Variants in SRFBP1 observed in about 807,000 individuals in gnomAD.
The protein encoded by SRFBP1 is serum response factor binding protein 1.
A neutral mutation model predicts 45.5 loss-of-function variants in SRFBP1; 47 were observed. The observed-to-expected ratio is 1.03, with a 90% confidence interval of 0.82 to 1.32. SRFBP1 has a LOEUF of 1.32. SRFBP1 is among the 40% of genes most tolerant of loss of function. SRFBP1 has a pLI of 0.00. For missense variants in SRFBP1, 621 were observed against 484.6 expected (o/e 1.28, Z -2.64); for synonymous variants, 203 against 166.3 (o/e 1.22, Z -1.70).
chr5:122,073,480 T>TAACCGC, intron 2 of SRFBP1, among the ~76,000 whole-genome samples: 1 of 152,314 alleles, frequency 6.6e-6, no homozygotes, highest in Non-Finnish European at 1.5e-5. Flanking sequence ...CTCCATTTGC[T>TAACCGC]AACCGCAACC....
intron 7 of SRFBP1, among the ~76,000 whole-genome samples, chr5:122,022,938 T>G (rs1439442502): frequency 1.3e-5 from 2 of 152,238 alleles, no homozygotes; most frequent in Admixed American, 1.3e-4. Flanking sequence ...GCAGAGAGGC[T>G]GTGTTCCACA....
intron 1 of SRFBP1, among the ~76,000 whole-genome samples, chr5:121,965,786 G>A (rs1261350518): frequency 6.6e-6 from 1 of 152,144 alleles, no homozygotes; most frequent in Non-Finnish European, 1.5e-5. Flanking sequence ...TGGGCAGTAT[G>A]GCTGTTTTCA....
downstream of SRFBP1, chr5:122,076,747 A>G: frequency 1.6e-6 from 1 of 640,848 alleles, no homozygotes; most frequent in Admixed American, 2.6e-5. Context: ...CCAGGTCAGC[A>G]TGCCCAGGAG....
chr5:122,023,375 G>A (rs1188671865), intron 7 of SRFBP1, among the ~76,000 whole-genome samples: 1 of 152,132 alleles, frequency 6.6e-6, no homozygotes, highest in African/African-American at 2.4e-5. Flanking sequence ...TGGTCATGGA[G>A]TATTTTCCAT....
chr5:122,018,401 C>T (rs571217389), intron 4 of SRFBP1, among the ~76,000 whole-genome samples: 1 of 152,106 alleles, frequency 6.6e-6, no homozygotes. Flanking sequence ...ATATATTTTA[C>T]ATTTGGAACC....
In SRFBP1 at chr5:121,994,616, A is replaced by G; in HGVS notation, c.216A>G (p.Ile72Met). The change falls in exon 4 of 8, where the codon ATA becomes ATG. Residue 72 changes from isoleucine (I) to methionine (M), a missense_variant. Physicochemically the swap from Ile to Met is conservative, Grantham distance 10. Coordinates refer to ENST00000339397, the MANE Select transcript of SRFBP1 (RefSeq NM_152546.3). ...IHAMKELKPD[I>M]VTKSALGDDI... ...TTTCACAGGAATTGAAACCTGACAT[A>G]GTAACTAAATCTGCTCTTGGTGATG... The G allele has an allele frequency of 6.3e-7, 1 of 1,597,294 alleles. No individual in the cohort carries two copies. The highest frequency in any genetic ancestry group is 1.1e-5 in the South Asian group (1 of 87,656).
At chr5:121,966,946 A>ATTTTT (rs34687337) in intron 1 of SRFBP1, among the ~76,000 whole-genome samples, 10 of 114,674 alleles carry the variant, frequency 8.7e-5, no homozygotes, top group Non-Finnish European at 1.4e-4. Context: ...CGCCCAGCTA[A>ATTTTT]TTTTTTTTTT....
In SRFBP1 at chr5:122,026,129, A is replaced by G. The variant is rs191654802; in HGVS notation, c.1106-813A>G. On this transcript the variant is annotated intron_variant, in intron 7 of 7. Transcript: ENST00000339397. ...TTTTGACAATGATTCCTAACTTGCA[A>G]TGGAGAAATTACATAGTCATAGGAC... Among the ~76,000 whole-genome samples the G allele has an allele frequency of 4.8e-3, 724 of 152,318 alleles. 5 individuals are homozygous for G. Among genetic ancestry groups the G allele is most frequent in the African/African-American group, 0.016 (684 of 41,572 alleles).
intron 5 of SRFBP1, among the ~76,000 whole-genome samples, chr5:122,019,703 T>C (rs1753263127): frequency 6.6e-6 from 1 of 151,382 alleles, no homozygotes; most frequent in African/African-American, 2.4e-5. Context: ...ATCTATAAAA[T>C]GAAATTTTTT....
chr5:121,994,728 C>T (rs1310581007), intron 4 of SRFBP1, 58 bp downstream of exon 4: 62 of 1,164,496 alleles, frequency 5.3e-5, no homozygotes, highest in Non-Finnish European at 7.0e-5. Context: ...ATATTGCTTA[C>T]TTTTTTCTTG....
At chr5:122,068,514 T>TA (rs1481680370) in intron 2 of SRFBP1, among the ~76,000 whole-genome samples, 12 of 152,146 alleles carry the variant, frequency 7.9e-5, no homozygotes, top group African/African-American at 2.9e-4. Flanking sequence ...TCACTTCCCC[T>TA]ACTCAAAATG....
chr5:121,963,839 T>C (rs2112807873), intron 1 of SRFBP1, among the ~76,000 whole-genome samples: 1 of 152,036 alleles, frequency 6.6e-6, no homozygotes, highest in East Asian at 1.9e-4. Flanking sequence ...ATGGAGGATA[T>C]TATAATTTAA....
chr5:121,994,823 T>A (rs952786917), intron 4 of SRFBP1, among the ~76,000 whole-genome samples, 153 bp downstream of exon 4: 1 of 152,052 alleles, frequency 6.6e-6, no homozygotes, highest in African/African-American at 2.4e-5. Context: ...ACAAAAAAAA[T>A]TTATACTAAC....
intron 4 of SRFBP1, among the ~76,000 whole-genome samples, chr5:122,007,459 G>C (rs977781351): frequency 6.6e-6 from 1 of 152,008 alleles, no homozygotes; most frequent in Admixed American, 6.5e-5. Context: ...TGCTGACATG[G>C]TGTCTGGAGC....
chr5:122,011,582 C>T (rs1390364107), intron 4 of SRFBP1, among the ~76,000 whole-genome samples: 1 of 152,048 alleles, frequency 6.6e-6, no homozygotes, highest in Admixed American at 6.6e-5. Context: ...TCTATCTCAC[C>T]TATGAAGCCT....
intron 4 of SRFBP1, among the ~76,000 whole-genome samples, chr5:122,012,188 C>T (rs1753110446): frequency 6.6e-6 from 1 of 151,934 alleles, no homozygotes; most frequent in Non-Finnish European, 1.5e-5. Context: ...TCCATTTCCC[C>T]TTTAGATCTT....
downstream of SRFBP1, among the ~76,000 whole-genome samples, chr5:122,033,229 C>T (rs1448087034): frequency 1.3e-5 from 2 of 151,452 alleles, no homozygotes; most frequent in African/African-American, 2.4e-5. Flanking sequence ...GGATAGTAGC[C>T]CTTTACCTGT....
rs763804503 is a variant in SRFBP1, at chr5:122,074,009, A to T, written n.312-1306A>T. ...AGGTTCTGGATTTCAGGGTGCCAAC[A>T]TACCTGTGTGTGTGCAGTACATGCA... On this transcript the variant is annotated intron_variant and non_coding_transcript_variant, in intron 2 of 2. Coordinates refer to the SRFBP1 transcript ENST00000504881. The T allele has an allele frequency of 2.0e-5, 33 of 1,610,692 alleles. No individual in the cohort carries two copies. Among genetic ancestry groups the T allele is most frequent in the Non-Finnish European group, 2.7e-5 (32 of 1,177,484 alleles).
At chr5:121,962,151 A>G (rs1751959178) in intron 1 of SRFBP1, 83 bp downstream of exon 1, 1 of 1,565,432 alleles carries the variant, frequency 6.4e-7, no homozygotes, top group Non-Finnish European at 8.8e-7. Context: ...AGGCGGGCAT[A>G]GAGGGTGCGG....
Sources: allele counts gnomAD v4.1 joint callset (sites outside exome capture counted in the v4.1 genomes callset), GRCh38; gene constraint gnomAD v4.1.1; transcripts MANE v1.5; gene names NCBI Gene and HGNC (gene_info 2026-07-23, HGNC 2026-07-21).